IQGAP1: variants seen among roughly 807,000 people sequenced by gnomAD.
The protein encoded by IQGAP1 is IQ motif containing GTPase activating protein 1, also known as ras GTPase-activating-like protein IQGAP1.
In IQGAP1, 66 loss-of-function variants were observed where a neutral mutation model predicts 215.6. The observed-to-expected ratio is 0.31, with a 90% CI of 0.25 to 0.38. IQGAP1 has a LOEUF of 0.38. IQGAP1 is among the 10% of genes least tolerant of loss of function. The pLI, the probability that IQGAP1 is intolerant of heterozygous loss-of-function variation, is 1.00. For synonymous variants in IQGAP1, 772 were observed against 728.7 expected, an observed-to-expected ratio of 1.06 and a Z score of -0.96; for missense variants, 1,712 against 1,997.1, an observed-to-expected ratio of 0.86 and a Z score of 2.72.
chr15:90,468,467 T>G (rs1455778362), intron 18 of IQGAP1, among the ~76,000 whole-genome samples: 1 of 152,242 alleles, frequency 6.6e-6, no homozygotes, highest in Non-Finnish European at 1.5e-5. Flanking sequence ...TCATGAGATG[T>G]CTCTCCCCTG....
rs908681415 is a variant in IQGAP1 at position 90,405,367 on chromosome 15, T to C, written c.155+14494T>C. Among the ~76,000 whole-genome samples the C allele has an allele frequency of 5.3e-5, 8 of 152,366 alleles. No homozygotes were observed. In the East Asian group the frequency reaches 1.5e-3, roughly 29 times the overall value. On this transcript the variant is annotated intron_variant, in intron 2 of 37. Coordinates refer to ENST00000268182, the MANE Select transcript of IQGAP1 (RefSeq NM_003870.4). Reference sequence around the variant, plus strand: ...TATTGTAATGCTAAACAGATTAATATCGTGTAGTAAAGTTGGCGTTGAGAA... The same window carrying C: ...TATTGTAATGCTAAACAGATTAATACCGTGTAGTAAAGTTGGCGTTGAGAA...
At chr15:90,422,646 G>GTATATATATGTA (rs1965159977) in intron 2 of IQGAP1, among the ~76,000 whole-genome samples, 1 of 60,242 alleles carries the variant, frequency 1.7e-5, no homozygotes, top group Non-Finnish European at 3.0e-5. Context: ...ATATGTATAT[G>GTATATATATGTA]TATATATATA....
chr15:90,396,777 A>C (rs1964726540), intron 2 of IQGAP1, among the ~76,000 whole-genome samples: 2 of 152,160 alleles, frequency 1.3e-5, no homozygotes, highest in Non-Finnish European at 2.9e-5. Context: ...ACACTGTTGC[A>C]AATGGGGAGT....
chr15:90,464,621 C>T (rs1038095124), intron 15 of IQGAP1, among the ~76,000 whole-genome samples: 1 of 151,954 alleles, frequency 6.6e-6, no homozygotes, highest in African/African-American at 2.4e-5. Flanking sequence ...GAGGCCAGGA[C>T]GTGCAGATCA....
intron 10 of IQGAP1, 32 bp downstream of exon 10, chr15:90,448,768 T>C: frequency 6.7e-7 from 1 of 1,491,432 alleles, no homozygotes; most frequent in Non-Finnish European, 9.0e-7. Context: ...GCTGCAAGAG[T>C]TTGTATATAT....
Position 90,426,130 on chromosome 15 carries a change from G to A in IQGAP1, c.176G>A (p.Gly59Glu). ...EAKRWMEACL[G>E]EDLPPTTELE... is the part of the protein sequence containing the mutation. ...TGCAGGTGGATGGAAGCATGCCTAG[G>A]GGAAGATCTGCCTCCCACCACAGAA... The change falls in exon 3 of 38, where the codon GGG becomes GAG. Residue 59 changes from glycine to glutamate, a missense_variant. By Grantham distance (98) the Gly-to-Glu change is moderately conservative. Around this residue, in one of 2 missense-constraint regions of IQGAP1, gnomAD observed 1,021 missense variants for 1,074.2 expected, o/e 0.95. Transcript: ENST00000268182. The A allele has an allele frequency of 6.2e-7, 1 of 1,606,258 alleles. No individual in the cohort carries two copies. Among genetic ancestry groups the A allele is most frequent in the South Asian group, 1.1e-5 (1 of 90,298 alleles).
intron 33 of IQGAP1, among the ~76,000 whole-genome samples, chr15:90,490,812 G>C (rs1459803329): frequency 6.6e-6 from 1 of 152,002 alleles, no homozygotes; most frequent in Non-Finnish European, 1.5e-5. Flanking sequence ...TTGTTTGCTT[G>C]TTTTTTGTTT....
intron 34 of IQGAP1, among the ~76,000 whole-genome samples, chr15:90,492,290 T>C (rs1183265536): frequency 1.3e-5 from 2 of 151,970 alleles, no homozygotes; most frequent in Non-Finnish European, 2.9e-5. Flanking sequence ...ATTAGCCAGA[T>C]GTGGTGGCAT....
At chr15:90,470,703 G>T (rs1185044805) in intron 18 of IQGAP1, among the ~76,000 whole-genome samples, 3 of 152,086 alleles carry the variant, frequency 2.0e-5, no homozygotes, top group Non-Finnish European at 4.4e-5. Context: ...GCTCACAGCA[G>T]TGTGGTTTCC....
intron 29 of IQGAP1, 24 bp from the exon 30 acceptor site, chr15:90,484,196 G>T: frequency 6.2e-7 from 1 of 1,606,618 alleles, no homozygotes; most frequent in African/African-American, 1.3e-5. Context: ...CTTTTTGGGG[G>T]GCTGCCTCCT....
chr15:90,402,667 A>G (rs1247885891), intron 2 of IQGAP1, among the ~76,000 whole-genome samples: 4 of 152,244 alleles, frequency 2.6e-5, no homozygotes, highest in African/African-American at 4.8e-5. Flanking sequence ...TTGATGAGCA[A>G]CATAAGAAAC....
At chr15:90,494,520 T>C (rs1236250693) in intron 35 of IQGAP1, 193 bp from the exon 36 acceptor site, 1 of 369,558 alleles carries the variant, frequency 2.7e-6, no homozygotes, top group Non-Finnish European at 5.0e-6. Context: ...AGAAGCAATT[T>C]AGTAATATTT....
intron 37 of IQGAP1, 133 bp from the exon 38 acceptor site, chr15:90,499,862 A>G (rs2151042526): frequency 3.3e-6 from 2 of 605,482 alleles, no homozygotes; most frequent in Non-Finnish European, 5.8e-6. Context: ...CTTTCGCCCC[A>G]GTTCACATCT....
At chr15:90,475,422 C>A (rs1013801435) in intron 23 of IQGAP1, among the ~76,000 whole-genome samples, 1 of 152,030 alleles carries the variant, frequency 6.6e-6, no homozygotes, top group African/African-American at 2.4e-5. Context: ...CAAACATGAG[C>A]CACCATGCCC....
intron 5 of IQGAP1, among the ~76,000 whole-genome samples, chr15:90,437,392 A>C (rs910620008): frequency 6.6e-6 from 1 of 152,224 alleles, no homozygotes; most frequent in Admixed American, 6.5e-5. Flanking sequence ...CTTGTTCGCT[A>C]TTTCCAAGTA....
chr15:90,478,907 A>G (rs10083679), intron 26 of IQGAP1, among the ~76,000 whole-genome samples: 28,657 of 152,128 alleles, frequency 0.19, 2,790 homozygotes, highest in South Asian at 0.23. Flanking sequence ...CTAGGGCCAT[A>G]GCGTAACCAC....
At chr15:90,401,116 C>T (rs1412898993) in intron 2 of IQGAP1, among the ~76,000 whole-genome samples, 1 of 152,088 alleles carries the variant, frequency 6.6e-6, no homozygotes, top group Non-Finnish European at 1.5e-5. Flanking sequence ...AGTGAAGTGC[C>T]AGTGGAACCT....
At chr15:90,483,779 T>C (rs1966089876) in intron 29 of IQGAP1, among the ~76,000 whole-genome samples, 186 bp downstream of exon 29, 1 of 152,208 alleles carries the variant, frequency 6.6e-6, no homozygotes. Context: ...ATGAAATAGA[T>C]AGTAGTTAAC....
intron 1 of IQGAP1, among the ~76,000 whole-genome samples, chr15:90,390,085 G>A (rs1964614250): frequency 6.6e-6 from 1 of 152,250 alleles, no homozygotes; most frequent in African/African-American, 2.4e-5. Context: ...CTGCACAGTG[G>A]TGGGAGGAAG....
Sources: allele counts gnomAD v4.1 joint callset (sites outside exome capture counted in the v4.1 genomes callset), GRCh38; gene constraint gnomAD v4.1.1; regional missense constraint gnomAD v4.1.1; transcripts MANE v1.5; gene names NCBI Gene and HGNC (gene_info 2026-07-23, HGNC 2026-07-21).